The following TUSC3 variants were observed in gnomAD, a reference collection of about 807,000 sequenced individuals.
TUSC3 encodes the protein tumor suppressor candidate 3, also known as dolichyl-diphosphooligosaccharide--protein glycosyltransferase subunit TUSC3.
A neutral mutation model predicts 44.8 loss-of-function variants in TUSC3; 45 were observed. The observed-to-expected ratio is 1.00, with a 90% CI of 0.79 to 1.29. The LOEUF is 1.29. Ranked by LOEUF, TUSC3 falls within the 50% of genes most tolerant of loss-of-function variation. TUSC3 has a pLI of 0.00. For synonymous variants in TUSC3, 212 were observed against 152.9 expected, an observed-to-expected ratio of 1.39 and a Z score of -2.85; for missense variants, 519 against 437.9, an observed-to-expected ratio of 1.19 and a Z score of -1.65.
At chr8:15,577,165 T>C (rs1803150202) in intron 1 of TUSC3, among the ~76,000 whole-genome samples, 1 of 149,914 alleles carries the variant, frequency 6.7e-6, no homozygotes, top group Admixed American at 6.7e-5. Context: ...GGTTGTTTGT[T>C]TTTTTCTTGT....
intron 1 of TUSC3, among the ~76,000 whole-genome samples, chr8:15,439,405 A>G (rs527654643): frequency 6.6e-6 from 1 of 152,268 alleles, no homozygotes; most frequent in Admixed American, 6.5e-5. Flanking sequence ...ATTTCTACAA[A>G]CAATAGCTGA....
the TUSC3 span, among the ~76,000 whole-genome samples, chr8:15,849,941 C>A: frequency 1.3e-5 from 2 of 152,096 alleles, no homozygotes; most frequent in Non-Finnish European, 1.5e-5. Flanking sequence ...AATAAAGAAA[C>A]CTGAGTGCTT....
chr8:15,425,284 T>A (rs1799789717), intron 1 of TUSC3, among the ~76,000 whole-genome samples: 1 of 152,202 alleles, frequency 6.6e-6, no homozygotes, highest in Non-Finnish European at 1.5e-5. Context: ...AACTATAAAT[T>A]GGTTGTGTTG....
the TUSC3 span, among the ~76,000 whole-genome samples, chr8:15,836,271 T>C: frequency 6.7e-6 from 1 of 150,218 alleles, no homozygotes; most frequent in East Asian, 2.0e-4. Context: ...AGGTCAGGAG[T>C]TCAAGACAAG....
intron 1 of TUSC3, among the ~76,000 whole-genome samples, chr8:15,438,159 G>A (rs5006323): frequency 0.16 from 24,655 of 152,050 alleles, 2,055 homozygotes; most frequent in Middle Eastern, 0.22. Flanking sequence ...CAATGGCACA[G>A]TCTCGGCTCC....
At chr8:15,574,015 T>C (rs1802994181) in intron 1 of TUSC3, among the ~76,000 whole-genome samples, 1 of 152,052 alleles carries the variant, frequency 6.6e-6, no homozygotes, top group Non-Finnish European at 1.5e-5. Flanking sequence ...CATTTTTTGG[T>C]GATGTTTTGT....
chr8:15,426,312 G>T (rs73189455), intron 1 of TUSC3, among the ~76,000 whole-genome samples: 20,932 of 152,116 alleles, frequency 0.14, 1,539 homozygotes, highest in Middle Eastern at 0.21. Flanking sequence ...ATACCATATT[G>T]TTAACTATAG....
chr8:15,757,672 T>C (rs199587993), intron 9 of TUSC3, 119 bp from the exon 10 acceptor site: 2 of 635,718 alleles, frequency 3.1e-6, no homozygotes, highest in South Asian at 1.7e-5. Context: ...GTCTATCCCC[T>C]GTCTTATCTA....
At chr8:15,834,485 C>A in the TUSC3 span, among the ~76,000 whole-genome samples, 1 of 152,120 alleles carries the variant, frequency 6.6e-6, no homozygotes, top group African/African-American at 2.4e-5. Context: ...GTTTTTTAGA[C>A]TGAAACAGGT....
intron 6 of TUSC3, among the ~76,000 whole-genome samples, chr8:15,682,361 A>G (rs189836808): frequency 1.3e-5 from 2 of 152,178 alleles, no homozygotes; most frequent in Admixed American, 1.3e-4. Flanking sequence ...TTGGATTCAT[A>G]TATATTTAAG....
Position 15,582,381 on chromosome 8 carries a change from C to T in TUSC3, c.139-40699C>T, listed in dbSNP as rs539598755. On this transcript the variant is annotated intron_variant, in intron 1 of 10. Transcript: ENST00000503731. ...AGGTACTTGAAGGATGAGACTTAAA[C>T]CAATCTTTTATGAATTTGTTTTTTA... Among the ~76,000 whole-genome samples, 5 of 152,274 alleles carry T rather than the reference C, an allele frequency of 3.3e-5. No individual in the cohort carries two copies. In the South Asian group the frequency reaches 1.0e-3, roughly 32 times the overall value.
intron 1 of TUSC3, among the ~76,000 whole-genome samples, chr8:15,587,157 G>GATT (rs1803636530): frequency 6.6e-6 from 1 of 152,056 alleles, no homozygotes. Flanking sequence ...TGTGCTATTG[G>GATT]ATTATACTAC....
At chr8:15,684,199 C>T (rs892534923) in intron 6 of TUSC3, among the ~76,000 whole-genome samples, 2 of 152,038 alleles carry the variant, frequency 1.3e-5, no homozygotes, top group Non-Finnish European at 2.9e-5. Context: ...GTTTACCTTG[C>T]CCCAGGGGTG....
At chr8:15,418,966 C>T (rs1007650275) in intron 1 of TUSC3, among the ~76,000 whole-genome samples, 1 of 152,262 alleles carries the variant, frequency 6.6e-6, no homozygotes, top group South Asian at 2.1e-4. Flanking sequence ...TGATCAAACA[C>T]TGCACTCCAG....
At chr8:15,659,188 T>C (rs1301892013) in intron 3 of TUSC3, among the ~76,000 whole-genome samples, 1 of 152,130 alleles carries the variant, frequency 6.6e-6, no homozygotes, top group Non-Finnish European at 1.5e-5. Flanking sequence ...ACTTTGCACT[T>C]TCAGTCACTT....
At chr8:15,683,322 G>A (rs1452801401) in intron 6 of TUSC3, among the ~76,000 whole-genome samples, 3 of 152,102 alleles carry the variant, frequency 2.0e-5, no homozygotes, top group African/African-American at 7.2e-5. Flanking sequence ...TTATTTCTCA[G>A]AGGCTTTGTT....
chr8:15,784,067 T>C, the TUSC3 span, among the ~76,000 whole-genome samples: 1 of 152,072 alleles, frequency 6.6e-6, no homozygotes, highest in Non-Finnish European at 1.5e-5. Context: ...CACAAAAGAA[T>C]ACATATAAAA....
Position 15,470,596 on chromosome 8 carries a change from A to C in TUSC3, n.92-12790A>C, listed in dbSNP as rs181992259. On this transcript the variant is annotated intron_variant and non_coding_transcript_variant, in intron 1 of 5. Coordinates refer to the TUSC3 transcript ENST00000503191. ...GTACTTTCTGCCCAATTTTTCTATA[A>C]ACCATGAAGAATAAAGTGTATTTTA... is the stretch of plus-strand genomic sequence containing the variant. Among the ~76,000 whole-genome samples, 500 of 152,258 alleles carry C rather than the reference A, an allele frequency of 3.3e-3. 1 individual carries two copies. Among genetic ancestry groups the C allele is most frequent in the African/African-American group, 0.012 (486 of 41,560 alleles).
At chr8:15,797,531 T>C in the TUSC3 span, among the ~76,000 whole-genome samples, 1 of 152,134 alleles carries the variant, frequency 6.6e-6, no homozygotes, top group Non-Finnish European at 1.5e-5. Flanking sequence ...AATGCCACAG[T>C]CAGGGCCACT....
Sources: allele counts gnomAD v4.1 joint callset (sites outside exome capture counted in the v4.1 genomes callset), GRCh38; gene constraint gnomAD v4.1.1; transcripts MANE v1.5; gene names NCBI Gene and HGNC (gene_info 2026-07-23, HGNC 2026-07-21).